Variants in TRPT1 observed in about 807,000 individuals in gnomAD.
The protein encoded by TRPT1 is tRNA 2'-phosphotransferase 1.
Under a neutral mutation model 28.4 loss-of-function variants are expected in TRPT1, and 22 were observed. That is an observed-to-expected ratio of 0.78 (90% CI 0.55 to 1.11). The LOEUF (loss-of-function observed/expected upper bound fraction) is 1.11, where lower values mean the gene tolerates loss of function less well. TRPT1 is among the 50% of genes least tolerant of loss of function. The probability of loss-of-function intolerance (pLI) is 0.00; values close to 1 mark genes in which losing one functional copy is unlikely to be tolerated. For synonymous variants in TRPT1, 137 were observed against 132.4 expected, an observed-to-expected ratio of 1.03 and a Z score of -0.24; for missense variants, 308 against 317.7, an observed-to-expected ratio of 0.97 and a Z score of 0.23.
At chr11:64,224,993 G>C (rs1946894468) in intron 3 of TRPT1, 23 bp from the exon 4 acceptor site, 1 of 1,547,158 alleles carries the variant, frequency 6.5e-7, no homozygotes, top group East Asian at 2.4e-5. Flanking sequence ...AGGGTGCTCA[G>C]GAGCTAACCT....
At position 64,224,848 on chromosome 11, in the gene TRPT1, G is replaced by C. The variant is rs767222402; in HGVS notation, c.280C>G (p.Pro94Ala). 4 of 1,613,424 alleles carry C rather than the reference G, an allele frequency of 2.5e-6. No homozygotes were observed. The highest frequency in any genetic ancestry group is 3.4e-6 in the Non-Finnish European group (4 of 1,179,970). The change falls in exon 4 of 8, where the codon CCC becomes GCC. Residue 94 changes from proline to alanine, a missense_variant. Transcript: ENST00000317459. ...KQRFALQLGD[P>A]STGLLIRANQ... ...GCCCGGATGAGAAGGCCAGTGCTGG[G>C]ATCCCCCAGCTGCAGGGCGAACCGC...
At position 64,225,855 on chromosome 11, in the gene TRPT1, G is replaced by C. The variant is rs1168668615; in HGVS notation, c.6C>G (p.Asn2Lys). The change falls in exon 2 of 8, where the codon AAC (asparagine) becomes AAG (lysine). Residue 2 changes from asparagine (N) to lysine (K), a missense_variant. Asn to Lys is a moderately conservative substitution (Grantham distance 94). Coordinates refer to ENST00000317459, the MANE Select transcript of TRPT1 (RefSeq NM_001033678.4). M[N>K]FSGGGRQEAA... is the part of the protein sequence containing the mutation. ...CTTCCTGCCTCCCTCCTCCAGAGAA[G>C]TTCATGGTTAAGACCTGTGGGGGGC... is the stretch of plus-strand genomic sequence containing the variant. The C allele has an allele frequency of 6.4e-7, 1 of 1,554,662 alleles. No individual in the cohort carries two copies. The highest frequency in any genetic ancestry group is 8.7e-7 in the Non-Finnish European group (1 of 1,148,198).
chr11:64,225,293 T>C, intron 3 of TRPT1: 5 of 613,462 alleles, frequency 8.2e-6, no homozygotes, highest in South Asian at 8.0e-5. Context: ...GAGGGGGCGG[T>C]CACCAGGCCT....
At chr11:64,225,995 A>ACC in intron 1 of TRPT1, 55 bp downstream of exon 1, 1 of 622,810 alleles carries the variant, frequency 1.6e-6, no homozygotes. Context: ...TAAGTTCACC[A>ACC]CCCCCAAGTC....
chr11:64,225,972 G>A (rs1946991448), intron 1 of TRPT1, 78 bp downstream of exon 1: 2 of 694,350 alleles, frequency 2.9e-6, no homozygotes, highest in South Asian at 3.3e-5. Flanking sequence ...CTGGGTGGGA[G>A]TATACGGCTC....
chr11:64,226,215 A>G (rs1031816239), upstream of TRPT1: 21 of 251,464 alleles, frequency 8.4e-5, no homozygotes, highest in Non-Finnish European at 1.3e-4. Flanking sequence ...ACCGCGGCGG[A>G]CCCGCCAATG....
chr11:64,225,045 C>T (rs1946899910), intron 3 of TRPT1, 75 bp from the exon 4 acceptor site: 11 of 1,476,404 alleles, frequency 7.5e-6, no homozygotes, highest in Middle Eastern at 2.1e-4. Flanking sequence ...CCACAGGCAA[C>T]CGAAACAAAG....
upstream of TRPT1, chr11:64,226,238 GA>G: frequency 2.4e-6 from 1 of 419,282 alleles, no homozygotes; most frequent in Non-Finnish European, 3.8e-6. Flanking sequence ...AAGCCGCGTG[GA>G]AAGGGGGCGG....
At chr11:64,225,107 C>G (rs1946903396) in intron 3 of TRPT1, 137 bp from the exon 4 acceptor site, 6 of 1,002,720 alleles carry the variant, frequency 6.0e-6, no homozygotes, top group Non-Finnish European at 8.5e-6. Flanking sequence ...TAGAAAGTCT[C>G]CCCTTTCTGG....
In TRPT1 at chr11:64,225,779, C is replaced by G. The variant is rs1254182020; in HGVS notation, c.75+7G>C. ...CTGGTGGGAGGGGGTGGGGAGGAGG[C>G]GCGCACCTGTTCTCGGGGTCTGGGA... On this transcript the variant is annotated splice_region_variant and intron_variant, in intron 2 of 7. Transcript: ENST00000317459. 6.5e-7 allele frequency: 1 copy of G among 1,546,616 alleles called. No individual in the cohort carries two copies. Among genetic ancestry groups the G allele is most frequent in the Non-Finnish European group, 8.7e-7 (1 of 1,144,128 alleles).
chr11:64,226,015 G>A, intron 1 of TRPT1, 35 bp downstream of exon 1: 1 of 610,988 alleles, frequency 1.6e-6, no homozygotes, highest in Non-Finnish European at 2.9e-6. Context: ...CCCTGCTGCA[G>A]AGAGGGAAAC....
intron 5 of TRPT1, 40 bp downstream of exon 5, chr11:64,224,503 G>A (rs1565302969): frequency 1.3e-6 from 2 of 1,566,066 alleles, no homozygotes; most frequent in South Asian, 1.2e-5. Context: ...TGGGAGGACA[G>A]AGTGGGTGGG....
rs1946858570 is a variant in TRPT1 at position 64,224,654 on chromosome 11, C to T, written c.391G>A (p.Gly131Ser). The T allele has an allele frequency of 1.2e-6, 2 of 1,607,378 alleles. No homozygotes were observed. The highest frequency in any genetic ancestry group is 1.3e-5 in the African/African-American group (1 of 74,830). ...PQALPPMLVHGTFWKHWPSIL... is the reference protein window; with the variant it reads ...PQALPPMLVHSTFWKHWPSIL... ...GATGGCCAGTGCTTCCAGAATGTAC[C>T]ATGGACTAGCATCGGGGGCAGGGCC... The change falls in exon 5 of 8, where the codon GGT becomes AGT. Residue 131 changes from glycine (G) to serine (S), a missense_variant. Transcript: ENST00000317459.
At position 64,224,273 on chromosome 11, in the gene TRPT1, G is replaced by T; in HGVS notation, c.559+12C>A. The T allele has an allele frequency of 6.2e-7, 1 of 1,613,900 alleles. No homozygotes were observed. Among genetic ancestry groups the T allele is most frequent in the Admixed American group, 1.7e-5 (1 of 60,018 alleles). ...CGAAGGCAAGGGCAGCTCCTGCTTT[G>T]TCCAGACTCACCTGCCAGAGCCAGG... On this transcript the variant is annotated intron_variant, in intron 6 of 7. Transcript: ENST00000317459.
chr11:64,224,403 C>G (rs752595262), intron 5 of TRPT1, 62 bp from the exon 6 acceptor site: 72 of 1,609,092 alleles, frequency 4.5e-5, no homozygotes, highest in Admixed American at 1.7e-4. Context: ...CCTAGGCAGA[C>G]TGGGGTCCTG....
At chr11:64,225,166 G>A in intron 3 of TRPT1, 196 bp from the exon 4 acceptor site, 4 of 667,034 alleles carry the variant, frequency 6.0e-6, no homozygotes, top group East Asian at 5.5e-5. Flanking sequence ...CTCACGGAGG[G>A]GCAGGGAGGT....
In TRPT1 at chr11:64,224,787, C is replaced by T. The variant is rs1467838142; in HGVS notation, c.327+14G>A. 1.2e-6 allele frequency: 2 copies of T among 1,613,032 alleles called. No homozygotes were observed. Among genetic ancestry groups the T allele is most frequent in the Admixed American group, 1.7e-5 (1 of 59,968 alleles). ...CCCTCCCATCTCGTCTCGCACTTGTCCCCTCACCCCGACCTGCAGGGAATG... is the reference window on the plus strand; with the variant it reads ...CCCTCCCATCTCGTCTCGCACTTGTTCCCTCACCCCGACCTGCAGGGAATG... On this transcript the variant is annotated intron_variant, in intron 4 of 7. Coordinates refer to ENST00000317459, the MANE Select transcript of TRPT1 (RefSeq NM_001033678.4).
At position 64,224,104 on chromosome 11, in the gene TRPT1, A is replaced by G; in HGVS notation, c.666T>C (p.Pro222=). 2 of 1,607,122 alleles carry G rather than the reference A, an allele frequency of 1.2e-6. No homozygotes were observed. The highest frequency in any genetic ancestry group is 1.1e-5 in the South Asian group (1 of 90,560). ...KYFKEALQLR[P]TRKPLSLAGD... Reference sequence around the variant, plus strand: ...GGCTGGGGTGGTGGTTCTCACGGGTAGGGCGTAGCTGCAGGGCCTCCTTGA... The same window carrying G: ...GGCTGGGGTGGTGGTTCTCACGGGTGGGGCGTAGCTGCAGGGCCTCCTTGA... Residue 222 remains proline (P), a synonymous_variant, in exon 7 of 8, where the codon CCT becomes CCC. Transcript: ENST00000317459.
rs1946862043 is a variant in TRPT1, at chr11:64,224,708, A to T, written c.337T>A (p.Leu113Met). 1.3e-6 allele frequency: 2 copies of T among 1,596,988 alleles called. No homozygotes were observed. Among genetic ancestry groups the T allele is most frequent in the Admixed American group, 1.7e-5 (1 of 59,036 alleles). ...NQGHSLQVPK[L>M]ELMPLETPQA... ...GGTGTCTCCAGGGGCATCAGCTCCA[A>T]CTTAGGTACCTGGTTGAACGGGTAG... Residue 113 changes from leucine (L) to methionine (M), a missense_variant, in exon 5 of 8, where the codon TTG (leucine) becomes ATG (methionine). Transcript: ENST00000317459.
Sources: gnomAD v4.1 joint callset for allele counts on GRCh38, gnomAD v4.1.1 for gene constraint, MANE v1.5 for transcripts, NCBI Gene and HGNC (gene_info 2026-07-23, HGNC 2026-07-21) for gene names.